Variants in SAMD12 observed in about 807,000 individuals in gnomAD.
SAMD12 encodes sterile alpha motif domain containing 12.
Under a neutral mutation model 15.0 loss-of-function variants are expected in SAMD12, and 9 were observed. The ratio of observed to expected loss-of-function variants is 0.60; its 90% CI spans 0.36 to 1.05. SAMD12 has a LOEUF of 1.05. SAMD12 is among the 50% of genes least tolerant of loss of function. The pLI is 0.01. For missense variants in SAMD12, 230 were observed against 234.2 expected (o/e 0.98, Z 0.12); for synonymous variants, 86 against 90.1 (o/e 0.96, Z 0.25).
At chr8:118,316,018 A>G (rs3802188) in intron 4 of SAMD12, among the ~76,000 whole-genome samples, 10,008 of 152,220 alleles carry the variant, frequency 0.066, 637 homozygotes, top group East Asian at 0.14. Flanking sequence ...AAAATGAATC[A>G]TACAAACATT....
chr8:118,223,751 A>G (rs1812130290), intron 4 of SAMD12, among the ~76,000 whole-genome samples: 1 of 152,228 alleles, frequency 6.6e-6, no homozygotes, highest in Non-Finnish European at 1.5e-5. Context: ...ACTCATAAAC[A>G]GTTATTCATT....
chr8:118,614,891 G>A (rs1182964646), intron 1 of SAMD12, among the ~76,000 whole-genome samples: 1 of 152,216 alleles, frequency 6.6e-6, no homozygotes, highest in East Asian at 1.9e-4. Context: ...AGAGCGGGTG[G>A]TGCTGCTACA....
the SAMD12 span, among the ~76,000 whole-genome samples, chr8:118,147,615 C>T: frequency 1.3e-5 from 2 of 152,156 alleles, no homozygotes; most frequent in Non-Finnish European, 2.9e-5. Flanking sequence ...CTGCCTCGGC[C>T]TCCCAGTGTG....
chr8:118,497,636 A>G (rs557664510), intron 2 of SAMD12, among the ~76,000 whole-genome samples: 2 of 142,502 alleles, frequency 1.4e-5, no homozygotes, highest in South Asian at 2.3e-4. Flanking sequence ...TAACAAAGTC[A>G]TTTGTACACC....
At chr8:118,280,688 C>A (rs1475012477) in intron 4 of SAMD12, among the ~76,000 whole-genome samples, 1 of 152,136 alleles carries the variant, frequency 6.6e-6, no homozygotes, top group Non-Finnish European at 1.5e-5. Flanking sequence ...AAATGAGAAA[C>A]TGGTTTGAGC....
At chr8:118,241,604 G>A (rs1205727254) in intron 4 of SAMD12, among the ~76,000 whole-genome samples, 1 of 152,122 alleles carries the variant, frequency 6.6e-6, no homozygotes, top group Non-Finnish European at 1.5e-5. Context: ...TGGCCTAGGG[G>A]ACAAGGGATT....
intron 4 of SAMD12, among the ~76,000 whole-genome samples, chr8:118,266,234 G>A (rs1198779726): frequency 1.3e-5 from 2 of 152,098 alleles, no homozygotes; most frequent in African/African-American, 4.8e-5. Context: ...TCTGTCCCTT[G>A]ACACATGAGG....
chr8:118,479,684 T>C (rs942472896), intron 2 of SAMD12, among the ~76,000 whole-genome samples: 3 of 152,190 alleles, frequency 2.0e-5, no homozygotes, highest in Non-Finnish European at 4.4e-5. Context: ...TTTACTAAAA[T>C]GTCAGCTATT....
At chr8:118,242,638 G>T (rs1348132325) in intron 4 of SAMD12, among the ~76,000 whole-genome samples, 2 of 151,932 alleles carry the variant, frequency 1.3e-5, no homozygotes, top group Non-Finnish European at 2.9e-5. Context: ...CCACTGGGGG[G>T]TCTTGGAACA....
At chr8:118,366,876 TAAAATAATAAAATAAAATAA>T (rs1273720372) in intron 4 of SAMD12, among the ~76,000 whole-genome samples, 8 of 114,654 alleles carry the variant, frequency 7.0e-5, no homozygotes, top group East Asian at 2.4e-4. Flanking sequence ...TAAAATAAAA[TAAAATAATAAAATAAAATAA>T]AATAAAATAA....
chr8:118,310,987 G>A (rs1815601790), intron 4 of SAMD12, among the ~76,000 whole-genome samples: 2 of 152,164 alleles, frequency 1.3e-5, no homozygotes, highest in African/African-American at 4.8e-5. Flanking sequence ...ATAGGAATAA[G>A]CATTTGGCTA....
At chr8:118,271,434 C>T (rs1025817388) in intron 4 of SAMD12, among the ~76,000 whole-genome samples, 21 of 152,116 alleles carry the variant, frequency 1.4e-4, no homozygotes, top group Admixed American at 2.0e-4. Context: ...GATGGAGACA[C>T]ACCCAAACCA....
intron 4 of SAMD12, among the ~76,000 whole-genome samples, chr8:118,255,564 CT>C (rs895963536): frequency 2.0e-4 from 27 of 132,628 alleles, no homozygotes; most frequent in African/African-American, 7.7e-4. Context: ...TCCATGTGTT[CT>C]CATTGTTCAA....
At chr8:118,296,335 T>C (rs899262529) in intron 4 of SAMD12, among the ~76,000 whole-genome samples, 1 of 152,242 alleles carries the variant, frequency 6.6e-6, no homozygotes, top group African/African-American at 2.4e-5. Flanking sequence ...CTTGAACTTG[T>C]GTTCAAAATG....
intron 4 of SAMD12, among the ~76,000 whole-genome samples, chr8:118,277,188 CT>C (rs1385382951): frequency 1.3e-5 from 2 of 152,218 alleles, no homozygotes; most frequent in African/African-American, 4.8e-5. Flanking sequence ...ATTCAATCTG[CT>C]ATTCCACTCA....
At chr8:118,408,643 G>C (rs1821250122) in intron 3 of SAMD12, among the ~76,000 whole-genome samples, 1 of 152,130 alleles carries the variant, frequency 6.6e-6, no homozygotes, top group South Asian at 2.1e-4. Context: ...AGTTTTAAAA[G>C]CTCCATTATT....
At chr8:118,518,151 C>A (rs930466238) in intron 2 of SAMD12, among the ~76,000 whole-genome samples, 5 of 152,162 alleles carry the variant, frequency 3.3e-5, no homozygotes, top group African/African-American at 1.2e-4. Flanking sequence ...GGATAGCATT[C>A]TTTGAAAAAC....
chr8:118,482,484 CTGTACTAAGTA>C (rs1824156201), intron 2 of SAMD12, among the ~76,000 whole-genome samples: 1 of 151,818 alleles, frequency 6.6e-6, no homozygotes, highest in Admixed American at 6.6e-5. Flanking sequence ...TAAATTGTGT[CTGTACTAAGTA>C]TGTACAGACT....
chr8:118,296,026 T>C (rs1586460227), intron 4 of SAMD12, among the ~76,000 whole-genome samples: 1 of 152,142 alleles, frequency 6.6e-6, no homozygotes, highest in Non-Finnish European at 1.5e-5. Flanking sequence ...CTTGCTTTTA[T>C]GAAGTCAAAA....
Sources: gnomAD v4.1 joint callset for allele counts (sites outside exome capture counted in the v4.1 genomes callset) on GRCh38, gnomAD v4.1.1 for gene constraint, MANE v1.5 for transcripts, NCBI Gene and HGNC (gene_info 2026-07-23, HGNC 2026-07-21) for gene names.